Variants in NRG1 observed in about 807,000 individuals in gnomAD.
NRG1 encodes the protein pro-neuregulin-1, membrane-bound isoform.
A neutral mutation model predicts 63.8 loss-of-function variants in NRG1; 18 were observed. The ratio of observed to expected loss-of-function variants is 0.28; its 90% CI spans 0.19 to 0.42. NRG1 has a LOEUF of 0.42. Ranked by LOEUF, NRG1 falls within the 10% of genes least tolerant of loss-of-function variation. NRG1 has a pLI of 1.00. For missense variants in NRG1, 762 were observed against 814.7 expected (o/e 0.94, Z 0.79); for synonymous variants, 302 against 301.3 (o/e 1.00, Z -0.02).
intron 1 of NRG1, among the ~76,000 whole-genome samples, chr8:31,825,414 T>G (rs1056385428): frequency 6.6e-6 from 1 of 152,016 alleles, no homozygotes; most frequent in African/African-American, 2.4e-5. Flanking sequence ...ATTTTATACT[T>G]AAGTTTTTCT....
At chr8:32,528,700 A>G (rs1466482969) in intron 1 of NRG1, among the ~76,000 whole-genome samples, 1 of 152,194 alleles carries the variant, frequency 6.6e-6, no homozygotes, top group Non-Finnish European at 1.5e-5. Context: ...CTTGTCATAT[A>G]TAGAATACAT....
chr8:31,828,722 C>T (rs1205890335), intron 1 of NRG1, among the ~76,000 whole-genome samples: 1 of 152,166 alleles, frequency 6.6e-6, no homozygotes, highest in Non-Finnish European at 1.5e-5. Flanking sequence ...TACCCCTTTC[C>T]TTTGGTATTT....
rs148547838 is a variant in NRG1, at chr8:31,982,905, C to T, written c.37+343474C>T. Among the ~76,000 whole-genome samples, 59 of 152,010 alleles carry T rather than the reference C, an allele frequency of 3.9e-4. No individual in the cohort carries two copies. The East Asian group carries it at 6.0e-3, about 15-fold the overall frequency. ...TGGCAATGTGGAAATTTATTCCTGC[C>T]GAGTAATCAGTGCCAGTTTTATGCT... On this transcript the variant is annotated intron_variant, in intron 1 of 10. Coordinates refer to the NRG1 transcript ENST00000519301.
At chr8:31,799,746 G>A (rs931798226) in intron 1 of NRG1, among the ~76,000 whole-genome samples, 4 of 151,896 alleles carry the variant, frequency 2.6e-5, no homozygotes, top group African/African-American at 7.3e-5. Context: ...ATGTACGCCT[G>A]TATATATACA....
chr8:32,575,999 A>G (rs1839557082), intron 1 of NRG1, among the ~76,000 whole-genome samples: 1 of 152,146 alleles, frequency 6.6e-6, no homozygotes, highest in Non-Finnish European at 1.5e-5. Flanking sequence ...TTTTTAATTA[A>G]TTTTTAAATT....
intron 1 of NRG1, among the ~76,000 whole-genome samples, chr8:32,380,139 C>A (rs1484081865): frequency 2.0e-5 from 3 of 152,050 alleles, no homozygotes; most frequent in Non-Finnish European, 4.4e-5. Context: ...CTTTTCTGTT[C>A]TTATTTTATT....
chr8:32,668,095 C>A (rs1456422413), intron 5 of NRG1, among the ~76,000 whole-genome samples: 1 of 152,016 alleles, frequency 6.6e-6, no homozygotes, highest in Non-Finnish European at 1.5e-5. Flanking sequence ...TGCCTGTAGT[C>A]CCAGCTACTT....
intron 1 of NRG1, among the ~76,000 whole-genome samples, chr8:31,980,013 T>A (rs1808822369): frequency 6.6e-6 from 1 of 152,094 alleles, no homozygotes; most frequent in East Asian, 1.9e-4. Flanking sequence ...TATTTAACTT[T>A]CAAGACAACC....
intron 1 of NRG1, among the ~76,000 whole-genome samples, chr8:32,516,816 G>A (rs1183036906): frequency 1.3e-5 from 2 of 152,106 alleles, no homozygotes; most frequent in African/African-American, 2.4e-5. Flanking sequence ...AGAAGTCATA[G>A]TACATAAGAA....
chr8:32,288,172 T>G (rs569680580), intron 1 of NRG1, among the ~76,000 whole-genome samples: 2 of 152,008 alleles, frequency 1.3e-5, no homozygotes, highest in African/African-American at 4.8e-5. Context: ...GAGAGAGAGA[T>G]AATACAGAGA....
intron 5 of NRG1, among the ~76,000 whole-genome samples, chr8:32,667,009 G>T (rs1663210853): frequency 6.6e-6 from 1 of 152,196 alleles, no homozygotes; most frequent in Non-Finnish European, 1.5e-5. Context: ...TTAATGACAA[G>T]GATATGTTCT....
chr8:32,288,993 T>C lies in NRG1; in HGVS notation c.38-306835T>C, dbSNP rs539067405. Among the ~76,000 whole-genome samples, 40 of 152,310 alleles carry C rather than the reference T, an allele frequency of 2.6e-4. 1 individual carries two copies. Among genetic ancestry groups the C allele is most frequent in the African/African-American group, 8.4e-4 (35 of 41,580 alleles). ...CTAGGACAAATATAACCACGCAAACTGGCTAACTGCACTTGCTGGCATGGT... is the reference window on the plus strand; with the variant it reads ...CTAGGACAAATATAACCACGCAAACCGGCTAACTGCACTTGCTGGCATGGT... On this transcript the variant is annotated intron_variant, in intron 1 of 10. Coordinates refer to the NRG1 transcript ENST00000519301.
chr8:32,204,988 T>G (rs1843880505), intron 1 of NRG1, among the ~76,000 whole-genome samples: 2 of 152,156 alleles, frequency 1.3e-5, no homozygotes, highest in South Asian at 4.1e-4. Flanking sequence ...ATTAAGTAAC[T>G]AATTAAATAA....
At chr8:31,819,820 T>C (rs1260441126) in intron 1 of NRG1, among the ~76,000 whole-genome samples, 2 of 152,198 alleles carry the variant, frequency 1.3e-5, no homozygotes, top group Admixed American at 1.3e-4. Flanking sequence ...AACTGTTGAC[T>C]TGAGAAAGGG....
chr8:32,662,330 T>C (rs753100939), intron 5 of NRG1, among the ~76,000 whole-genome samples: 7 of 152,268 alleles, frequency 4.6e-5, no homozygotes, highest in South Asian at 2.1e-4. Context: ...AGAAGGCCAG[T>C]GTAGTCAACT....
At chr8:32,335,988 CCACACA>C (rs369664055) in intron 1 of NRG1, among the ~76,000 whole-genome samples, 4 of 150,548 alleles carry the variant, frequency 2.7e-5, no homozygotes, top group African/African-American at 9.7e-5. Flanking sequence ...CTCCACCCAC[CCACACA>C]CACACACACT....
intron 1 of NRG1, among the ~76,000 whole-genome samples, chr8:31,734,589 T>A (rs1029895141): frequency 2.0e-5 from 3 of 152,228 alleles, no homozygotes; most frequent in Non-Finnish European, 4.4e-5. Flanking sequence ...AACTGCATTT[T>A]AAATTTTAGG....
chr8:32,547,757 G>A (rs927091004), upstream of NRG1, among the ~76,000 whole-genome samples: 2 of 152,110 alleles, frequency 1.3e-5, no homozygotes, highest in Non-Finnish European at 2.9e-5. Context: ...GCCTGCGTGC[G>A]ACAGGGCTTT....
At chr8:32,694,345 TAA>T in intron 5 of NRG1, among the ~76,000 whole-genome samples, 1 of 151,876 alleles carries the variant, frequency 6.6e-6, no homozygotes, top group Non-Finnish European at 1.5e-5. Context: ...TGTTCCAATT[TAA>T]GTGTGTTTTC....
Sources: allele counts gnomAD v4.1 joint callset (sites outside exome capture counted in the v4.1 genomes callset), GRCh38; gene constraint gnomAD v4.1.1; transcripts MANE v1.5; gene names NCBI Gene and HGNC (gene_info 2026-07-23, HGNC 2026-07-21).